The following RAB31 variants were observed in gnomAD, a reference collection of about 807,000 sequenced individuals.
The protein encoded by RAB31 is ras-related protein Rab-31.
RAB31 carries 21 observed loss-of-function variants against 25.6 expected under a neutral mutation model. The ratio of observed to expected loss-of-function variants is 0.82; its 90% confidence interval spans 0.58 to 1.18. The LOEUF (loss-of-function observed/expected upper bound fraction) is 1.18, where lower values mean the gene tolerates loss of function less well. RAB31 is among the 50% of genes most tolerant of loss of function. The probability of loss-of-function intolerance (pLI) is 0.00; values close to 1 mark genes in which losing one functional copy is unlikely to be tolerated. For synonymous variants in RAB31, 87 were observed against 84.0 expected (o/e 1.04, Z -0.20); for missense variants, 196 against 250.1 (o/e 0.78, Z 1.46).
intron 6 of RAB31, among the ~76,000 whole-genome samples, chr18:9,854,677 T>C (rs181258242): frequency 6.6e-6 from 1 of 152,316 alleles, no homozygotes. Context: ...GTCTTCTTTA[T>C]GGCAGCAAGA....
intron 1 of RAB31, among the ~76,000 whole-genome samples, chr18:9,717,696 AAGAC>A (rs1451645126): frequency 6.6e-6 from 1 of 151,772 alleles, no homozygotes; most frequent in Non-Finnish European, 1.5e-5. Flanking sequence ...GAGAAGAAGA[AAGAC>A]AGAGAGACAC....
At chr18:9,723,879 G>A (rs1007033127) in intron 1 of RAB31, among the ~76,000 whole-genome samples, 3 of 152,080 alleles carry the variant, frequency 2.0e-5, no homozygotes, top group African/African-American at 7.2e-5. Flanking sequence ...CACCTCCCGC[G>A]AGGCCCACCT....
chr18:9,737,479 C>G (rs1314844336), intron 1 of RAB31, among the ~76,000 whole-genome samples: 2 of 152,142 alleles, frequency 1.3e-5, no homozygotes, highest in African/African-American at 4.8e-5. Flanking sequence ...GAGTATAAAG[C>G]TGTTTTTCCT....
chr18:9,853,963 C>G (rs6506708), intron 6 of RAB31, among the ~76,000 whole-genome samples: 1 of 130,850 alleles, frequency 7.6e-6, no homozygotes, highest in African/African-American at 2.8e-5. Flanking sequence ...CTTTTCTTTT[C>G]TTTTTTTTTT....
At chr18:9,719,802 C>T (rs755830906) in intron 1 of RAB31, among the ~76,000 whole-genome samples, 2 of 152,138 alleles carry the variant, frequency 1.3e-5, no homozygotes, top group Non-Finnish European at 2.9e-5. Context: ...AAGAGGCATC[C>T]AAGGCTTCGC....
At chr18:9,803,894 T>C (rs2143054062) in intron 3 of RAB31, among the ~76,000 whole-genome samples, 1 of 152,180 alleles carries the variant, frequency 6.6e-6, no homozygotes, top group African/African-American at 2.4e-5. Flanking sequence ...TGTAAGAAAA[T>C]AGGAATCTAG....
At position 9,814,780 on chromosome 18, in the gene RAB31, TCCTTGGTGTAAGCATGAGCATTTAC is replaced by T. The variant is rs1045263772; in HGVS notation, c.274-335_274-311del. 22 of 183,206 alleles carry T rather than the reference TCCTTGGTGTAAGCATGAGCATTTAC, an allele frequency of 1.2e-4. 1 individual carries two copies. Among genetic ancestry groups the T allele is most frequent in the Non-Finnish European group, 2.5e-4 (22 of 87,218 alleles). 11.3% of individuals were successfully genotyped at this position (183,206 alleles called of 1,614,324 possible). A position where few individuals can be genotyped will look rare whatever the true frequency, so the allele number is the denominator to read the frequency against. On this transcript the variant is annotated intron_variant, in intron 4 of 6. Coordinates refer to ENST00000578921, the MANE Select transcript of RAB31 (RefSeq NM_006868.4). ...CAGGACTCTAAATATATATGTTTCT[TCCTTGGTGTAAGCATGAGCATTTAC>T]TTAGTCCTGTTATTCTTATTCATGT... is the stretch of plus-strand genomic sequence containing the variant.
At chr18:9,846,169 C>T (rs1045920053) in intron 6 of RAB31, among the ~76,000 whole-genome samples, 2 of 152,150 alleles carry the variant, frequency 1.3e-5, no homozygotes, top group South Asian at 2.1e-4. Context: ...ACAGGGTTGG[C>T]GTGTACAGGT....
intron 1 of RAB31, among the ~76,000 whole-genome samples, chr18:9,720,211 G>T (rs983175268): frequency 1.3e-5 from 2 of 152,138 alleles, no homozygotes; most frequent in Non-Finnish European, 2.9e-5. Context: ...TGATCCACCC[G>T]CCTCGACCTC....
intron 3 of RAB31, among the ~76,000 whole-genome samples, chr18:9,811,839 A>C (rs140746681): frequency 7.7e-4 from 118 of 152,340 alleles, no homozygotes; most frequent in African/African-American, 2.5e-3. Context: ...TATGTCAAAG[A>C]TCTCTTTTCC....
intron 2 of RAB31, among the ~76,000 whole-genome samples, chr18:9,782,144 A>G (rs1230207119): frequency 3.3e-5 from 5 of 152,174 alleles, no homozygotes; most frequent in Non-Finnish European, 7.3e-5. Flanking sequence ...TGTTACTATT[A>G]TGTTCATCAG....
intron 1 of RAB31, among the ~76,000 whole-genome samples, chr18:9,753,941 C>T (rs983349809): frequency 2.6e-5 from 4 of 152,046 alleles, no homozygotes. Context: ...TGATGCAAGG[C>T]GTGTTCTAGT....
At chr18:9,793,049 A>G (rs369032415) in intron 3 of RAB31, among the ~76,000 whole-genome samples, 1 of 152,204 alleles carries the variant, frequency 6.6e-6, no homozygotes, top group Non-Finnish European at 1.5e-5. Flanking sequence ...CACAGTGTCT[A>G]TTGCTGGATA....
intron 3 of RAB31, among the ~76,000 whole-genome samples, chr18:9,793,579 G>A (rs1186491053): frequency 1.3e-5 from 2 of 151,790 alleles, no homozygotes; most frequent in African/African-American, 2.4e-5. Context: ...GGAGAATGGC[G>A]TGAACCCAGG....
chr18:9,722,553 T>C (rs1016685897), intron 1 of RAB31, among the ~76,000 whole-genome samples: 2 of 152,244 alleles, frequency 1.3e-5, no homozygotes, highest in African/African-American at 4.8e-5. Context: ...ATTTAATCAA[T>C]GTATCTGTGT....
chr18:9,832,728 G>A (rs529390818), intron 5 of RAB31, among the ~76,000 whole-genome samples: 10 of 152,320 alleles, frequency 6.6e-5, no homozygotes, highest in Admixed American at 3.3e-4. Context: ...TCAGCATCCC[G>A]GCCAGAAGTC....
intron 1 of RAB31, among the ~76,000 whole-genome samples, chr18:9,771,743 G>C (rs1456100537): frequency 6.6e-6 from 1 of 152,214 alleles, no homozygotes. Flanking sequence ...CCCAAGCCAC[G>C]GGTCAGAGAG....
chr18:9,840,608 G>A (rs1209421587), intron 5 of RAB31, among the ~76,000 whole-genome samples: 5 of 152,100 alleles, frequency 3.3e-5, no homozygotes, highest in African/African-American at 7.2e-5. Flanking sequence ...CATTTGTTCC[G>A]ACAGCAATTT....
intron 3 of RAB31, among the ~76,000 whole-genome samples, chr18:9,806,637 C>G (rs2068543342): frequency 6.6e-6 from 1 of 152,136 alleles, no homozygotes; most frequent in Non-Finnish European, 1.5e-5. Flanking sequence ...GGCTTTTATA[C>G]TAAGTTTGAA....
Sources: allele counts gnomAD v4.1 joint callset (sites outside exome capture counted in the v4.1 genomes callset), GRCh38; gene constraint gnomAD v4.1.1; transcripts MANE v1.5; gene names NCBI Gene and HGNC (gene_info 2026-07-23, HGNC 2026-07-21).